The following HSBP1 variants were observed in gnomAD, a reference collection of about 807,000 sequenced individuals.
The protein encoded by HSBP1 is heat shock factor binding protein 1, also known as heat shock factor-binding protein 1.
In HSBP1, 5 loss-of-function variants were observed where a neutral mutation model predicts 9.6. The ratio of observed to expected loss-of-function variants is 0.52; its 90% CI spans 0.27 to 1.09. The LOEUF (loss-of-function observed/expected upper bound fraction) is 1.09, where lower values mean the gene tolerates loss of function less well. HSBP1 is among the 50% of genes least tolerant of loss of function. The pLI, the probability that HSBP1 is intolerant of heterozygous loss-of-function variation, is 0.11. For synonymous variants in HSBP1, 42 were observed against 33.3 expected, an observed-to-expected ratio of 1.26 and a Z score of -0.90; for missense variants, 121 against 96.3, an observed-to-expected ratio of 1.26 and a Z score of -1.07.
intron 2 of HSBP1, chr16:83,808,973 G>C (rs1904531777): frequency 3.5e-6 from 2 of 576,054 alleles, no homozygotes; most frequent in South Asian, 4.3e-5. Context: ...AATAGCTGGT[G>C]TGGTGGACCA....
intron 2 of HSBP1, 110 bp from the exon 3 acceptor site, chr16:83,809,195 A>T: frequency 1.4e-6 from 1 of 699,216 alleles, no homozygotes; most frequent in Admixed American, 2.6e-5. Flanking sequence ...TCGAAAGAAA[A>T]TTGGAAGACC....
At position 83,815,727 on chromosome 16, in the gene HSBP1, C is replaced by G. The variant is rs1274387528; in HGVS notation, c.*4309C>G. On this transcript the variant is annotated 3_prime_UTR_variant, in exon 4 of 4. Transcript: ENST00000433866. The stretch of plus-strand genomic sequence containing the variant: ...ATTTTACCAAAGCATATGTAGACAC[C>G]ACATACATGAACTACATACCTATCG... 6.6e-6 allele frequency: 1 copy of G among 152,112 alleles called. No individual in the cohort carries two copies. The highest frequency in any genetic ancestry group is 1.5e-5 in the Non-Finnish European group (1 of 68,018). The allele number at this position is 152,112 out of a possible 1,614,324, so 9.4% of individuals were successfully genotyped here.
At chr16:83,808,416 C>G (rs2151030126) in intron 1 of HSBP1, 2 of 568,856 alleles carry the variant, frequency 3.5e-6, no homozygotes, top group Admixed American at 7.0e-5. Context: ...CCCTTCAACT[C>G]CTCACACACC....
chr16:83,808,929 C>T (rs1046626916), intron 2 of HSBP1, among the ~76,000 whole-genome samples, 183 bp downstream of exon 2: 1 of 152,176 alleles, frequency 6.6e-6, no homozygotes. Flanking sequence ...CTGAGTTAGA[C>T]TCCTGGCTCA....
intron 1 of HSBP1, chr16:83,808,364 C>A (rs1904511589): frequency 1.8e-6 from 1 of 549,942 alleles, no homozygotes; most frequent in Non-Finnish European, 3.2e-6. Flanking sequence ...CTGTCGCGAA[C>A]GCCCTCCGGG....
intron 3 of HSBP1, 67 bp downstream of exon 3, chr16:83,809,492 G>C: frequency 1.3e-6 from 1 of 771,202 alleles, no homozygotes; most frequent in Non-Finnish European, 2.0e-6. Context: ...TTTTGACACG[G>C]AGTTTTGCTC....
Position 83,816,979 on chromosome 16 carries a change from A to C in HSBP1, c.*5561A>C, listed in dbSNP as rs1904735346. On this transcript the variant is annotated 3_prime_UTR_variant, in exon 4 of 4. Transcript: ENST00000433866. The stretch of plus-strand genomic sequence containing the variant: ...ATTATAAACACTGGTAACACTGGAG[A>C]TGGTTAAATCGGAATTAGCTGACTG... The C allele has an allele frequency of 6.6e-6, 1 of 152,148 alleles. No individual in the cohort carries two copies. The highest frequency in any genetic ancestry group is 1.5e-5 in the Non-Finnish European group (1 of 68,022). The allele number at this position is 152,148 out of a possible 1,614,324, so 9.4% of individuals were successfully genotyped here. A position where few individuals can be genotyped will look rare whatever the true frequency, so the allele number is the denominator to read the frequency against.
In HSBP1 at chr16:83,812,387, A is replaced by G. The variant is rs565924376; in HGVS notation, c.*969A>G. The G allele has an allele frequency of 4.6e-5, 7 of 152,318 alleles. No homozygotes were observed. In the East Asian group the frequency reaches 9.6e-4, roughly 21 times the overall value. 9.4% of individuals were successfully genotyped at this position (152,318 alleles called of 1,614,324 possible). On this transcript the variant is annotated 3_prime_UTR_variant, in exon 4 of 4. Transcript: ENST00000433866. ...TTATCTAAATTCTTGCAGAGTGTCA[A>G]TGTTATCATTGATTATAGAAGACAG...
chr16:83,809,268 A>C (rs577894322), intron 2 of HSBP1, 37 bp from the exon 3 acceptor site: 10 of 1,311,998 alleles, frequency 7.6e-6, no homozygotes, highest in Non-Finnish European at 1.1e-5. Context: ...AAAAGGCTCA[A>C]TGAGATGTTG....
intron 1 of HSBP1, chr16:83,808,451 A>G (rs563039760): frequency 5.3e-6 from 3 of 566,610 alleles, no homozygotes; most frequent in South Asian, 4.5e-5. Flanking sequence ...CCCGGCAGAA[A>G]CAACCTAAAG....
chr16:83,815,423 G>C lies in HSBP1; in HGVS notation c.*4005G>C, dbSNP rs561534251. On this transcript the variant is annotated 3_prime_UTR_variant, in exon 4 of 4. Transcript: ENST00000433866. ...GCTACTCAGGAGGCTGAGGTGGGAG[G>C]ATCATTTGAGCCCAGGAAGTCGAGG... The C allele has an allele frequency of 6.6e-6, 1 of 151,342 alleles. No homozygotes were observed. Among genetic ancestry groups the C allele is most frequent in the Non-Finnish European group, 1.5e-5 (1 of 68,008 alleles). 9.4% of individuals were successfully genotyped at this position (151,342 alleles called of 1,614,324 possible).
chr16:83,811,638 T>G lies in HSBP1; in HGVS notation c.*220T>G, dbSNP rs758288304. On this transcript the variant is annotated 3_prime_UTR_variant, in exon 4 of 4. Transcript: ENST00000433866. ...CTTGGTCAGTTGTGCTATTCATTATTAAACACTAAAACTTTGGCGGTTCTT... is the reference window on the plus strand; with the variant it reads ...CTTGGTCAGTTGTGCTATTCATTATGAAACACTAAAACTTTGGCGGTTCTT... 5.3e-5 allele frequency: 8 copies of G among 152,284 alleles called. No homozygotes were observed. Among genetic ancestry groups the G allele is most frequent in the Non-Finnish European group, 1.2e-4 (8 of 68,052 alleles). The allele number at this position is 152,284 out of a possible 1,614,324, so 9.4% of individuals were successfully genotyped here.
At chr16:83,809,512 A>C (rs1597254503) in intron 3 of HSBP1, 87 bp downstream of exon 3, 1 of 668,924 alleles carries the variant, frequency 1.5e-6, no homozygotes, top group East Asian at 3.0e-5. Flanking sequence ...CTTGTTGCCC[A>C]GGCTGGAGTG....
At position 83,812,181 on chromosome 16, in the gene HSBP1, A is replaced by G. The variant is rs546448003; in HGVS notation, c.*763A>G. ...ACGTGGTTCATCTACAATGGTTACC[A>G]TAAAAAATCTGGCAGGATTTTAAAA... On this transcript the variant is annotated 3_prime_UTR_variant, in exon 4 of 4. Transcript: ENST00000433866. 1 of 152,798 alleles carries G rather than the reference A, an allele frequency of 6.5e-6. No homozygotes were observed. The highest frequency in any genetic ancestry group is 1.9e-4 in the East Asian group (1 of 5,190). 9.5% of individuals were successfully genotyped at this position (152,798 alleles called of 1,614,324 possible). A position where few individuals can be genotyped will look rare whatever the true frequency, so the allele number is the denominator to read the frequency against.
At position 83,815,227 on chromosome 16, in the gene HSBP1, T is replaced by A. The variant is rs573613858; in HGVS notation, c.*3809T>A. 1 of 152,248 alleles carries A rather than the reference T, an allele frequency of 6.6e-6. No homozygotes were observed. The highest frequency in any genetic ancestry group is 1.5e-5 in the Non-Finnish European group (1 of 68,024). The allele number at this position is 152,248 out of a possible 1,614,324, so 9.4% of individuals were successfully genotyped here. A position where few individuals can be genotyped will look rare whatever the true frequency, so the allele number is the denominator to read the frequency against. ...GAATTGTGATTGAACATTGCACTTATCAACCCTACAAATTAATATGGAAAT... is the reference window on the plus strand; with the variant it reads ...GAATTGTGATTGAACATTGCACTTAACAACCCTACAAATTAATATGGAAAT... On this transcript the variant is annotated 3_prime_UTR_variant, in exon 4 of 4. Coordinates refer to ENST00000433866, the MANE Select transcript of HSBP1 (RefSeq NM_001537.4).
Position 83,815,899 on chromosome 16 carries a change from A to G in HSBP1, c.*4481A>G, listed in dbSNP as rs555193971. ...ACCATTTAGTCACGTTGGTCTTGCA[A>G]AATGTCCACCTTCCAAAAGAGAACA... On this transcript the variant is annotated 3_prime_UTR_variant, in exon 4 of 4. Transcript: ENST00000433866. The G allele has an allele frequency of 2.0e-5, 3 of 152,320 alleles. No individual in the cohort carries two copies. Among genetic ancestry groups the G allele is most frequent in the African/African-American group, 7.2e-5 (3 of 41,562 alleles). The allele number at this position is 152,320 out of a possible 1,614,324, so 9.4% of individuals were successfully genotyped here.
In HSBP1 at chr16:83,818,251, C is replaced by G. The variant is rs1413722265; in HGVS notation, c.*6833C>G. 6.6e-6 allele frequency: 1 copy of G among 152,182 alleles called. No individual in the cohort carries two copies. Among genetic ancestry groups the G allele is most frequent in the East Asian group, 1.9e-4 (1 of 5,196 alleles). The allele number at this position is 152,182 out of a possible 1,614,324, so 9.4% of individuals were successfully genotyped here. A position where few individuals can be genotyped will look rare whatever the true frequency, so the allele number is the denominator to read the frequency against. On this transcript the variant is annotated 3_prime_UTR_variant, in exon 4 of 4. Coordinates refer to ENST00000433866, the MANE Select transcript of HSBP1 (RefSeq NM_001537.4). ...CGAGGAAGATTCTTTTCCTGGGCCA[C>G]TCTCATTTTCTCAAACTTGGACAAG...
In HSBP1 at chr16:83,808,738, T is replaced by C. The variant is rs538019318; in HGVS notation, c.104T>C (p.Ile35Thr). The C allele has an allele frequency of 1.4e-5, 23 of 1,610,334 alleles. No homozygotes were observed. The highest frequency in any genetic ancestry group is 1.9e-5 in the Non-Finnish European group (22 of 1,177,106). The stretch of plus-strand genomic sequence containing the variant: ...TTTCAGACCATGTCTGACCAGATCA[T>C]TGGGAGAAATATCCTTTTTATCTGC... ...DKFQTMSDQIIGRIDDMSSRI... is the reference protein window; with the variant it reads ...DKFQTMSDQITGRIDDMSSRI... Residue 35 changes from isoleucine to threonine, a missense_variant, in exon 2 of 4, where the codon ATT (isoleucine) becomes ACT (threonine). Ile to Thr is a moderately conservative substitution (Grantham distance 89, BLOSUM62 -1). Transcript: ENST00000433866.
At chr16:83,808,952 C>G (rs938350549) in intron 2 of HSBP1, among the ~76,000 whole-genome samples, 7 of 152,206 alleles carry the variant, frequency 4.6e-5, no homozygotes, top group African/African-American at 1.4e-4. Context: ...GAGCATACGT[C>G]TACCAATCCT....
Sources: gnomAD v4.1 joint callset for allele counts (sites outside exome capture counted in the v4.1 genomes callset) on GRCh38, gnomAD v4.1.1 for gene constraint, MANE v1.5 for transcripts, NCBI Gene and HGNC (gene_info 2026-07-23, HGNC 2026-07-21) for gene names.